Variants in PAFAH1B1 observed in about 807,000 individuals in gnomAD.
PAFAH1B1 encodes platelet-activating factor acetylhydrolase IB subunit beta.
PAFAH1B1 carries 2 observed loss-of-function variants against 57.5 expected under a neutral mutation model. The observed-to-expected ratio is 0.03, with a 90% CI of 0.01 to 0.11. The LOEUF (loss-of-function observed/expected upper bound fraction) is 0.11, where lower values mean the gene tolerates loss of function less well. Ranked by LOEUF, PAFAH1B1 falls within the 10% of genes least tolerant of loss-of-function variation. The probability of loss-of-function intolerance (pLI) is 1.00; values close to 1 mark genes in which losing one functional copy is unlikely to be tolerated. For missense variants in PAFAH1B1, 257 were observed against 512.0 expected (o/e 0.50, Z 4.81); for synonymous variants, 152 against 169.6 (o/e 0.90, Z 0.81).
intron 1 of PAFAH1B1, among the ~76,000 whole-genome samples, chr17:2,604,187 G>A (rs1416436834): frequency 6.6e-6 from 1 of 151,904 alleles, no homozygotes; most frequent in Non-Finnish European, 1.5e-5. Flanking sequence ...ACAAGTGTGT[G>A]CCACCACACC....
chr17:2,622,904 G>T (rs539644282), intron 1 of PAFAH1B1, among the ~76,000 whole-genome samples: 1 of 152,344 alleles, frequency 6.6e-6, no homozygotes, highest in African/African-American at 2.4e-5. Flanking sequence ...CTTGACTTCT[G>T]TGAACCCACT....
intron 2 of PAFAH1B1, among the ~76,000 whole-genome samples, chr17:2,646,954 AG>A (rs1461308973): frequency 6.6e-6 from 1 of 152,184 alleles, no homozygotes; most frequent in Non-Finnish European, 1.5e-5. Flanking sequence ...GGGTGAGGCC[AG>A]GCATGGTGGC....
chr17:2,637,224 T>C (rs1217931313), intron 1 of PAFAH1B1, among the ~76,000 whole-genome samples: 1 of 152,188 alleles, frequency 6.6e-6, no homozygotes. Flanking sequence ...TTTATTGCTT[T>C]GAATTGCCTC....
At chr17:2,595,554 T>C (rs957958451) in intron 1 of PAFAH1B1, among the ~76,000 whole-genome samples, 1 of 152,000 alleles carries the variant, frequency 6.6e-6, no homozygotes, top group African/African-American at 2.4e-5. Context: ...TAAAAAATTC[T>C]GATTTGGTTT....
chr17:2,634,769 T>G (rs2068600327), intron 1 of PAFAH1B1, among the ~76,000 whole-genome samples: 2 of 152,214 alleles, frequency 1.3e-5, no homozygotes, highest in South Asian at 4.1e-4. Context: ...AGCTTCGTCC[T>G]GAGTCATCAC....
At chr17:2,601,923 T>C (rs1486111684) in intron 1 of PAFAH1B1, among the ~76,000 whole-genome samples, 1 of 152,196 alleles carries the variant, frequency 6.6e-6, no homozygotes, top group Admixed American at 6.5e-5. Flanking sequence ...TTGACAAATG[T>C]AGAAATGAGC....
chr17:2,673,274 A>C (rs1395949017), intron 7 of PAFAH1B1, among the ~76,000 whole-genome samples: 1 of 152,116 alleles, frequency 6.6e-6, no homozygotes, highest in Non-Finnish European at 1.5e-5. Context: ...CTTGAGAAGC[A>C]TTTCTGTGTA....
chr17:2,666,869 A>T, intron 4 of PAFAH1B1, 123 bp from the exon 5 acceptor site: 1 of 657,896 alleles, frequency 1.5e-6, no homozygotes, highest in Non-Finnish European at 2.7e-6. Context: ...AATGCTTTGG[A>T]GATTACTGAA....
intron 2 of PAFAH1B1, among the ~76,000 whole-genome samples, chr17:2,659,800 A>G (rs2068991233): frequency 1.3e-5 from 2 of 152,108 alleles, no homozygotes; most frequent in African/African-American, 4.8e-5. Context: ...ATGCCACTGC[A>G]CTCCAGCCTG....
intron 2 of PAFAH1B1, among the ~76,000 whole-genome samples, chr17:2,638,846 G>A (rs1212565141): frequency 1.3e-5 from 2 of 151,954 alleles, no homozygotes; most frequent in Non-Finnish European, 2.9e-5. Context: ...TTGACTGTAT[G>A]TAAGTTTAAC....
chr17:2,615,512 C>T (rs944476464), intron 1 of PAFAH1B1, among the ~76,000 whole-genome samples: 1 of 152,182 alleles, frequency 6.6e-6, no homozygotes, highest in Non-Finnish European at 1.5e-5. Flanking sequence ...ACAATCTTGG[C>T]TCACTGCAAC....
chr17:2,632,463 T>C (rs906684982), intron 1 of PAFAH1B1, among the ~76,000 whole-genome samples: 3 of 152,190 alleles, frequency 2.0e-5, no homozygotes, highest in African/African-American at 7.2e-5. Context: ...TCTATCTCTT[T>C]TTTCTTCCCT....
chr17:2,594,417 A>G (rs2068060920), intron 1 of PAFAH1B1, among the ~76,000 whole-genome samples: 1 of 152,138 alleles, frequency 6.6e-6, no homozygotes, highest in African/African-American at 2.4e-5. Context: ...TCTTGGGGAA[A>G]AGGATCGGCC....
At chr17:2,680,114 A>T in intron 9 of PAFAH1B1, 50 bp from the exon 10 acceptor site, 4 of 1,508,504 alleles carry the variant, frequency 2.7e-6, no homozygotes, top group Non-Finnish European at 3.7e-6. Flanking sequence ...AATAGATGCT[A>T]TTTAAACATT....
In PAFAH1B1 at chr17:2,638,667, C is replaced by T. The variant is rs143514433; in HGVS notation, c.32+347C>T. 9.7e-3 allele frequency: 2,356 copies of T among 242,920 alleles called. 73 individuals are homozygous for T. The highest frequency in any genetic ancestry group is 0.052 in the African/African-American group (2,243 of 43,400). The allele number at this position is 242,920 out of a possible 1,614,324, so 15.0% of individuals were successfully genotyped here. ...GGATTACAGGCACCCGCTACCATGC[C>T]TAGCTAATTTTTGTATTTTTAGTAG... On this transcript the variant is annotated intron_variant, in intron 2 of 10. Transcript: ENST00000397195.
chr17:2,631,315 A>G (rs2068552335), intron 1 of PAFAH1B1, among the ~76,000 whole-genome samples: 1 of 152,076 alleles, frequency 6.6e-6, no homozygotes, highest in African/African-American at 2.4e-5. Context: ...GTGAAAGAAA[A>G]GGGCTTTAGT....
intron 2 of PAFAH1B1, among the ~76,000 whole-genome samples, chr17:2,649,356 T>A (rs1006658467): frequency 6.6e-6 from 1 of 151,872 alleles, no homozygotes; most frequent in African/African-American, 2.4e-5. Context: ...GTGAATCACC[T>A]AAGATAAGGA....
At chr17:2,593,557 G>A (rs921407752), upstream of PAFAH1B1, among the ~76,000 whole-genome samples, 1 of 150,428 alleles carries the variant, frequency 6.6e-6, no homozygotes, top group Non-Finnish European at 1.5e-5. Flanking sequence ...CTCCGCTCCC[G>A]GCGCCCGCCC....
Position 2,684,238 on chromosome 17 carries a change from C to G in PAFAH1B1, c.*2436C>G, listed in dbSNP as rs1259889584. On this transcript the variant is annotated 3_prime_UTR_variant, in exon 11 of 11. Coordinates refer to ENST00000397195, the MANE Select transcript of PAFAH1B1 (RefSeq NM_000430.4). Reference sequence around the variant, plus strand: ...AACGAAGGGGTGGGGGAGAGCAGTCCGTCTACAACCTGGAATCAGATTTGC... The same window carrying G: ...AACGAAGGGGTGGGGGAGAGCAGTCGGTCTACAACCTGGAATCAGATTTGC... 1 of 152,570 alleles carries G rather than the reference C, an allele frequency of 6.6e-6. No individual in the cohort carries two copies. The highest frequency in any genetic ancestry group is 2.1e-4 in the South Asian group (1 of 4,818). 9.5% of individuals were successfully genotyped at this position (152,570 alleles called of 1,614,324 possible).
Sources: allele counts gnomAD v4.1 joint callset (sites outside exome capture counted in the v4.1 genomes callset), GRCh38; gene constraint gnomAD v4.1.1; transcripts MANE v1.5; gene names NCBI Gene and HGNC (gene_info 2026-07-23, HGNC 2026-07-21).